RALGPS2: variants seen among roughly 807,000 people sequenced by gnomAD.
RALGPS2 encodes the protein ras-specific guanine nucleotide-releasing factor RalGPS2.
Under a neutral mutation model 86.8 loss-of-function variants are expected in RALGPS2, and 43 were observed. The observed-to-expected ratio is 0.50, with a 90% CI of 0.39 to 0.64. The LOEUF is 0.64. RALGPS2 is among the 30% of genes least tolerant of loss of function. The pLI is 0.00. For synonymous variants in RALGPS2, 243 were observed against 231.3 expected (o/e 1.05, Z -0.46); for missense variants, 536 against 694.6 (o/e 0.77, Z 2.57).
chr1:178,730,892 G>A (rs1434598817), intron 1 of RALGPS2, among the ~76,000 whole-genome samples: 1 of 151,820 alleles, frequency 6.6e-6, no homozygotes, highest in African/African-American at 2.4e-5. Context: ...GGAGAGACGG[G>A]GTTTCTCCAT....
intron 18 of RALGPS2, among the ~76,000 whole-genome samples, chr1:178,904,360 G>C (rs1444088706): frequency 6.6e-6 from 1 of 152,048 alleles, no homozygotes; most frequent in East Asian, 1.9e-4. Context: ...GTTTAATTAG[G>C]TCCCAACTAT....
intron 1 of RALGPS2, among the ~76,000 whole-genome samples, chr1:178,737,688 A>G (rs1297867220): frequency 6.6e-6 from 1 of 152,132 alleles, no homozygotes; most frequent in Non-Finnish European, 1.5e-5. Flanking sequence ...AATATTTTTC[A>G]TTTTTAATTC....
At chr1:178,796,856 T>G (rs1654215048) in intron 4 of RALGPS2, among the ~76,000 whole-genome samples, 1 of 152,198 alleles carries the variant, frequency 6.6e-6, no homozygotes, top group Non-Finnish European at 1.5e-5. Flanking sequence ...GTTTCATAGT[T>G]TAAAATTAAT....
intron 2 of RALGPS2, among the ~76,000 whole-genome samples, chr1:178,781,369 T>C (rs1572325882): frequency 6.6e-6 from 1 of 152,216 alleles, no homozygotes; most frequent in Non-Finnish European, 1.5e-5. Context: ...TAAAATACTT[T>C]ATCCTTTTAT....
At chr1:178,862,600 T>G (rs1658108384) in intron 8 of RALGPS2, among the ~76,000 whole-genome samples, 1 of 136,880 alleles carries the variant, frequency 7.3e-6, no homozygotes, top group Non-Finnish European at 1.5e-5. Context: ...TTTTTTTATT[T>G]ATTTATTTAT....
intron 1 of RALGPS2, among the ~76,000 whole-genome samples, chr1:178,764,823 T>C (rs1652415381): frequency 6.6e-6 from 1 of 152,172 alleles, no homozygotes; most frequent in Non-Finnish European, 1.5e-5. Flanking sequence ...CCAAATTTCA[T>C]GTTGAATTGT....
intron 6 of RALGPS2, 30 bp from the exon 7 acceptor site, chr1:178,821,582 C>G: frequency 6.5e-7 from 1 of 1,541,268 alleles, no homozygotes; most frequent in Non-Finnish European, 8.9e-7. Flanking sequence ...CTTTTTCATC[C>G]CTCTCCCCCA....
At chr1:178,856,200 G>GATAT (rs1348083361) in intron 8 of RALGPS2, among the ~76,000 whole-genome samples, 67 of 40,908 alleles carry the variant, frequency 1.6e-3, no homozygotes, top group African/African-American at 5.0e-3. Flanking sequence ...CAGAGAGAGA[G>GATAT]AGATATATAT....
intron 14 of RALGPS2, among the ~76,000 whole-genome samples, chr1:178,890,236 T>C (rs907644643): frequency 2.6e-5 from 4 of 151,978 alleles, no homozygotes; most frequent in Non-Finnish European, 5.9e-5. Flanking sequence ...CTTTAAGCTG[T>C]TAAATCTGTC....
intron 1 of RALGPS2, among the ~76,000 whole-genome samples, chr1:178,761,595 CTT>C (rs1652245064): frequency 6.6e-6 from 1 of 151,878 alleles, no homozygotes; most frequent in Admixed American, 6.6e-5. Context: ...GAGTCTCACT[CTT>C]TTGCCTGGGC....
chr1:178,890,210 T>G (rs544256704), intron 14 of RALGPS2, among the ~76,000 whole-genome samples: 1 of 151,942 alleles, frequency 6.6e-6, no homozygotes. Context: ...TGTGCTCCCT[T>G]CTCCTTCCTT....
chr1:178,795,508 G>A (rs1360595010), intron 4 of RALGPS2, among the ~76,000 whole-genome samples: 1 of 152,036 alleles, frequency 6.6e-6, no homozygotes, highest in African/African-American at 2.4e-5. Flanking sequence ...TGCCTCCCGG[G>A]TTCAAGTGGT....
intron 9 of RALGPS2, 38 bp downstream of exon 9, chr1:178,877,673 G>A: frequency 2.5e-6 from 4 of 1,606,104 alleles, no homozygotes; most frequent in South Asian, 1.1e-5. Flanking sequence ...CATTAAGATT[G>A]CTGTAATCCA....
chr1:178,773,166 T>C (rs1389543510), intron 1 of RALGPS2, among the ~76,000 whole-genome samples: 2 of 152,182 alleles, frequency 1.3e-5, no homozygotes, highest in Admixed American at 6.5e-5. Flanking sequence ...GATGATGTAA[T>C]AGTGATACCC....
chr1:178,873,439 T>C (rs953896707), intron 8 of RALGPS2, among the ~76,000 whole-genome samples: 1 of 152,080 alleles, frequency 6.6e-6, no homozygotes, highest in Non-Finnish European at 1.5e-5. Flanking sequence ...ATTGGCAAAA[T>C]TGAGATGGAT....
chr1:178,728,376 T>G (rs1416019069), intron 1 of RALGPS2, among the ~76,000 whole-genome samples: 1 of 149,846 alleles, frequency 6.7e-6, no homozygotes, highest in African/African-American at 2.4e-5. Flanking sequence ...GAGTTAAACT[T>G]TAAACCCATT....
At chr1:178,752,438 C>A (rs1414223480) in intron 1 of RALGPS2, among the ~76,000 whole-genome samples, 3 of 151,614 alleles carry the variant, frequency 2.0e-5, no homozygotes, top group African/African-American at 7.3e-5. Flanking sequence ...TGGTGAGATA[C>A]AGGTGTGAGC....
At chr1:178,736,064 G>A (rs1451042662) in intron 1 of RALGPS2, among the ~76,000 whole-genome samples, 1 of 151,640 alleles carries the variant, frequency 6.6e-6, no homozygotes, top group Non-Finnish European at 1.5e-5. Flanking sequence ...TGGTGTACAT[G>A]TTTGTTTCTC....
At chr1:178,752,651 A>G (rs926768305) in intron 1 of RALGPS2, among the ~76,000 whole-genome samples, 1 of 152,246 alleles carries the variant, frequency 6.6e-6, no homozygotes, top group African/African-American at 2.4e-5. Context: ...AGTAATGTGA[A>G]TAAGTATAAA....
Sources: gnomAD v4.1 joint callset for allele counts (sites outside exome capture counted in the v4.1 genomes callset) on GRCh38, gnomAD v4.1.1 for gene constraint, MANE v1.5 for transcripts, NCBI Gene and HGNC (gene_info 2026-07-23, HGNC 2026-07-21) for gene names.